CADM3: variants seen among roughly 807,000 people sequenced by gnomAD.
CADM3 encodes cell adhesion molecule 3, also known as TSLC1-like 1.
In CADM3, 11 loss-of-function variants were observed where a neutral mutation model predicts 44.9. The ratio of observed to expected loss-of-function variants is 0.25; its 90% CI spans 0.15 to 0.41. CADM3 has a LOEUF of 0.41. Ranked by LOEUF, CADM3 falls within the 10% of genes least tolerant of loss-of-function variation. The probability of loss-of-function intolerance (pLI) is 1.00; values close to 1 mark genes in which losing one functional copy is unlikely to be tolerated. For missense variants in CADM3, 426 were observed against 512.0 expected (o/e 0.83, Z 1.62); for synonymous variants, 207 against 205.2 (o/e 1.01, Z -0.08).
chr1:159,171,693 C>A lies in CADM3; in HGVS notation c.-73C>A. 2 of 1,113,034 alleles carry A rather than the reference C, an allele frequency of 1.8e-6. No individual in the cohort carries two copies. The highest frequency in any genetic ancestry group is 2.3e-6 in the Non-Finnish European group (2 of 880,074). 68.9% of individuals were successfully genotyped at this position (1,113,034 alleles called of 1,614,324 possible). ...CCCTTTCGGTCAACATCGTAGTCCACCCCCTCCCCATCCCCAGCCCCCGGG... is the reference window on the plus strand; with the variant it reads ...CCCTTTCGGTCAACATCGTAGTCCAACCCCTCCCCATCCCCAGCCCCCGGG... On this transcript the variant is annotated 5_prime_UTR_variant, in exon 1 of 9. Transcript: ENST00000368125.
At chr1:159,180,559 C>T (rs1005803964) in intron 1 of CADM3, among the ~76,000 whole-genome samples, 6 of 148,476 alleles carry the variant, frequency 4.0e-5, no homozygotes, top group African/African-American at 1.5e-4. Context: ...GAACAATGTA[C>T]CGCAATTTTA....
At chr1:159,198,101 C>CT (rs1234383139) in intron 7 of CADM3, 1 of 152,218 alleles carries the variant, frequency 6.6e-6, no homozygotes, top group Non-Finnish European at 1.5e-5. Flanking sequence ...CTCCCCTCTG[C>CT]TTTGTGCTCA....
In CADM3 at chr1:159,201,840, G is replaced by C. The variant is rs575143977; in HGVS notation, c.*918G>C. The stretch of plus-strand genomic sequence containing the variant: ...TGAGGGGCCCCTCACTCTTACCCAA[G>C]ACTCTGGATTGTTGCACGGCAACCA... On this transcript the variant is annotated 3_prime_UTR_variant, in exon 9 of 9. Coordinates refer to ENST00000368125, the MANE Select transcript of CADM3 (RefSeq NM_001127173.3). The C allele has an allele frequency of 6.5e-6, 1 of 152,838 alleles. No homozygotes were observed. The highest frequency in any genetic ancestry group is 2.1e-4 in the South Asian group (1 of 4,824). 9.5% of individuals were successfully genotyped at this position (152,838 alleles called of 1,614,324 possible).
At chr1:159,198,508 TA>T in intron 7 of CADM3, among the ~76,000 whole-genome samples, 1 of 152,180 alleles carries the variant, frequency 6.6e-6, no homozygotes, top group African/African-American at 2.4e-5. Flanking sequence ...AAGCAGGGCA[TA>T]AAAAACCAGA....
intron 1 of CADM3, among the ~76,000 whole-genome samples, chr1:159,187,136 G>C (rs1649448927): frequency 6.6e-6 from 1 of 152,244 alleles, no homozygotes; most frequent in South Asian, 2.1e-4. Context: ...AAGCAGCAGA[G>C]TGAAGACTAA....
chr1:159,190,328 T>C (rs899271819), intron 1 of CADM3, among the ~76,000 whole-genome samples: 1 of 152,176 alleles, frequency 6.6e-6, no homozygotes, highest in African/African-American at 2.4e-5. Context: ...GGTACACTAA[T>C]CTCAAAATCA....
intron 1 of CADM3, among the ~76,000 whole-genome samples, chr1:159,180,522 G>C (rs918618847): frequency 6.6e-6 from 1 of 152,058 alleles, no homozygotes; most frequent in South Asian, 2.1e-4. Context: ...ACAGAAGAGT[G>C]AAATTCTCAC....
At chr1:159,179,548 C>T (rs1649149098) in intron 1 of CADM3, among the ~76,000 whole-genome samples, 1 of 152,218 alleles carries the variant, frequency 6.6e-6, no homozygotes, top group Non-Finnish European at 1.5e-5. Context: ...TCTTCATATA[C>T]TCCCAAATAC....
chr1:159,190,071 A>C (rs1649586570), intron 1 of CADM3, among the ~76,000 whole-genome samples: 1 of 152,154 alleles, frequency 6.6e-6, no homozygotes, highest in Non-Finnish European at 1.5e-5. Context: ...CCCTTACTCC[A>C]GTACAGAGAC....
chr1:159,189,119 C>T (rs1028485298), intron 1 of CADM3, among the ~76,000 whole-genome samples: 1 of 152,164 alleles, frequency 6.6e-6, no homozygotes, highest in African/African-American at 2.4e-5. Flanking sequence ...TCTGTTTCTT[C>T]AATGGTGGGA....
rs553882346 is a variant in CADM3 at position 159,201,218 on chromosome 1, G to A, written c.*296G>A. 9 of 186,784 alleles carry A rather than the reference G, an allele frequency of 4.8e-5. No individual in the cohort carries two copies. The highest frequency in any genetic ancestry group is 8.9e-5 in the Non-Finnish European group (8 of 90,300). 11.6% of individuals were successfully genotyped at this position (186,784 alleles called of 1,614,324 possible). On this transcript the variant is annotated 3_prime_UTR_variant, in exon 9 of 9. Transcript: ENST00000368125. ...AAATCAAATCTGTCTCCAGGCTGGA[G>A]AGGCAGGAGCCCTGGGGTGAGAAAA...
chr1:159,189,835 C>A, intron 1 of CADM3: 1 of 1,606,522 alleles, frequency 6.2e-7, no homozygotes, highest in East Asian at 2.2e-5. Flanking sequence ...CCATCAGCTC[C>A]ACAGTCTGGA....
In CADM3 at chr1:159,201,710, A is replaced by G. The variant is rs141741969; in HGVS notation, c.*788A>G. ...AAATGAACAAAGCCGGGCCCTTTCC[A>G]TAGGAACTGCCCTTGGAGATAGCAG... On this transcript the variant is annotated 3_prime_UTR_variant, in exon 9 of 9. Coordinates refer to ENST00000368125, the MANE Select transcript of CADM3 (RefSeq NM_001127173.3). 12 of 152,582 alleles carry G rather than the reference A, an allele frequency of 7.9e-5. No homozygotes were observed. Among genetic ancestry groups the G allele is most frequent in the African/African-American group, 2.6e-4 (11 of 41,560 alleles). The allele number at this position is 152,582 out of a possible 1,614,324, so 9.5% of individuals were successfully genotyped here.
Position 159,199,807 on chromosome 1 carries a change from G to A in CADM3, c.1009G>A (p.Val337Met), listed in dbSNP as rs775539880. 18 of 1,614,026 alleles carry A rather than the reference G, an allele frequency of 1.1e-5. No homozygotes were observed. The highest frequency in any genetic ancestry group is 1.4e-5 in the Non-Finnish European group (17 of 1,180,000). ...CTACCACGCCATCATCGGTGGGATC[G>A]TGGCTTTCATTGTCTTCCTGCTGCT... Reference protein sequence around the residue: ...STYHAIIGGIVAFIVFLLLIM... With the variant: ...STYHAIIGGIMAFIVFLLLIM... Residue 337 changes from valine to methionine, a missense_variant, in exon 8 of 9, where the codon GTG (valine) becomes ATG (methionine). This residue lies in a region of CADM3 where 362 missense variants were observed against 474.6 expected (regional missense o/e 0.76). Coordinates refer to ENST00000368125, the MANE Select transcript of CADM3 (RefSeq NM_001127173.3).
Position 159,203,024 on chromosome 1 carries a change from CA to C in CADM3, c.*2103del, listed in dbSNP as rs1031607993. On this transcript the variant is annotated 3_prime_UTR_variant, in exon 9 of 9. Transcript: ENST00000368125. Reference sequence around the variant, plus strand: ...GGCTGTTGTGCTGTGTGTGTCTGTCCAGGGGTGGGGGGGTGGGGGAAGGGAG... The same window carrying C: ...GGCTGTTGTGCTGTGTGTGTCTGTCCGGGGTGGGGGGGTGGGGGAAGGGAG... The C allele has an allele frequency of 5.7e-4, 7 of 12,214 alleles. No individual in the cohort carries two copies. Among genetic ancestry groups the C allele is most frequent in the Non-Finnish European group, 1.1e-3 (7 of 6,100 alleles). 0.8% of individuals were successfully genotyped at this position (12,214 alleles called of 1,614,324 possible).
In CADM3 at chr1:159,173,288, G is replaced by T. The variant is rs189849253; in HGVS notation, c.88+1435G>T. Reference sequence around the variant, plus strand: ...GGATGATGTAGAGAATTTCATCTGAGGAAAACAGGCGAAGAGCCAGGGTGC... The same window carrying T: ...GGATGATGTAGAGAATTTCATCTGATGAAAACAGGCGAAGAGCCAGGGTGC... On this transcript the variant is annotated intron_variant, in intron 1 of 8. Coordinates refer to ENST00000368125, the MANE Select transcript of CADM3 (RefSeq NM_001127173.3). 3.4e-3 allele frequency among the ~76,000 whole-genome samples: 521 copies of T among 152,142 alleles called. 3 individuals are homozygous for T. The highest frequency in any genetic ancestry group is 0.012 in the African/African-American group (494 of 41,514).
chr1:159,184,480 C>T lies in CADM3; in HGVS notation c.89-7456C>T, dbSNP rs534568272. Among the ~76,000 whole-genome samples the T allele has an allele frequency of 6.0e-4, 91 of 151,584 alleles. No individual in the cohort carries two copies. The Middle Eastern group carries it at 0.01, about 17-fold the overall frequency. Reference sequence around the variant, plus strand: ...TCATCATCAACTCCTACTCAGGGAGCTTTTTTTTTCTACAGTCAGGGAAGT... The same window carrying T: ...TCATCATCAACTCCTACTCAGGGAGTTTTTTTTTTCTACAGTCAGGGAAGT... On this transcript the variant is annotated intron_variant, in intron 1 of 8. Coordinates refer to ENST00000368125, the MANE Select transcript of CADM3 (RefSeq NM_001127173.3).
chr1:159,177,131 C>A (rs549030242), intron 1 of CADM3, among the ~76,000 whole-genome samples: 1 of 152,082 alleles, frequency 6.6e-6, no homozygotes, highest in Non-Finnish European at 1.5e-5. Context: ...ATTTTACTCA[C>A]GGTAAGTTGT....
chr1:159,187,911 C>T (rs1649482801), intron 1 of CADM3, among the ~76,000 whole-genome samples: 1 of 151,992 alleles, frequency 6.6e-6, no homozygotes. Flanking sequence ...TCCTGGCCCT[C>T]TCCCCAGCCC....
Sources: gnomAD v4.1 joint callset for allele counts (sites outside exome capture counted in the v4.1 genomes callset) on GRCh38, gnomAD v4.1.1 for gene constraint, gnomAD v4.1.1 regional missense constraint, MANE v1.5 for transcripts, NCBI Gene and HGNC (gene_info 2026-07-23, HGNC 2026-07-21) for gene names.